The following TMEM276 variants were observed in gnomAD, a reference collection of about 807,000 sequenced individuals.
The protein encoded by TMEM276 is transmembrane protein 276.
chr8:144,467,003 C>T, the TMEM276 span: 7 of 1,594,742 alleles, frequency 4.4e-6, no homozygotes, highest in Admixed American at 1.7e-5. Context: ...AGCCGAGGGC[C>T]GCGCGGCCGC....
chr8:144,466,978 T>C, the TMEM276 span: 9 of 1,596,200 alleles, frequency 5.6e-6, no homozygotes, highest in African/African-American at 1.3e-5. Context: ...AGCCTGAGGA[T>C]GGGTCGGAAG....
At chr8:144,466,469 G>A in the TMEM276 span, 6 of 1,352,560 alleles carry the variant, frequency 4.4e-6, no homozygotes, top group South Asian at 5.2e-5. Context: ...AGCCTCTTCC[G>A]CAGGGATGGT....
At chr8:144,464,284 C>CG in the TMEM276 span, 21 of 1,613,176 alleles carry the variant, frequency 1.3e-5, no homozygotes, top group Non-Finnish European at 1.5e-5. Context: ...CGCCCCCCCC[C>CG]ACATCCCATA....
At chr8:144,464,140 A>G in the TMEM276 span, 1 of 1,609,846 alleles carries the variant, frequency 6.2e-7, no homozygotes, top group East Asian at 2.2e-5. Flanking sequence ...CTCCCACTGG[A>G]GGCGCTGTGT....
the TMEM276 span, chr8:144,466,989 G>T: frequency 6.3e-7 from 1 of 1,596,936 alleles, no homozygotes; most frequent in African/African-American, 1.3e-5. Context: ...GGGTCGGAAG[G>T]CGCAGCCGAG....
At chr8:144,466,623 C>A in the TMEM276 span, 55 of 866,246 alleles carry the variant, frequency 6.3e-5, no homozygotes, top group Non-Finnish European at 8.4e-5. Flanking sequence ...GCGACGGGGC[C>A]GTGCCGAGGA....
chr8:144,466,363 C>T, the TMEM276 span: 1 of 721,302 alleles, frequency 1.4e-6, no homozygotes, highest in Non-Finnish European at 1.8e-6. Flanking sequence ...GGCGCCGAGT[C>T]TGGGCGCGGG....
At chr8:144,465,484 C>T in the TMEM276 span, 1 of 977,422 alleles carries the variant, frequency 1.0e-6, no homozygotes, top group Non-Finnish European at 1.2e-6. Context: ...GAACCTCCAC[C>T]AGCGAGAGGA....
chr8:144,463,887 C>G, the TMEM276 span: 4 of 1,398,184 alleles, frequency 2.9e-6, no homozygotes, highest in Non-Finnish European at 3.7e-6. Flanking sequence ...ACAACCGTGT[C>G]CAGCCCAGAA....
At chr8:144,466,284 C>T in the TMEM276 span, 26 of 225,116 alleles carry the variant, frequency 1.2e-4, no homozygotes, top group Admixed American at 5.2e-4. Context: ...CCGCGCTCGC[C>T]TTCCAGCCGT....
the TMEM276 span, chr8:144,464,214 C>T: frequency 1.2e-5 from 20 of 1,612,986 alleles, no homozygotes; most frequent in Middle Eastern, 6.6e-4. Flanking sequence ...CATCCTCCTT[C>T]GGTAGCAGCA....
the TMEM276 span, chr8:144,464,648 A>G: frequency 6.3e-7 from 1 of 1,581,968 alleles, no homozygotes; most frequent in Non-Finnish European, 8.6e-7. Context: ...CGTGGGAAAA[A>G]GAGGCCGGGG....
chr8:144,466,818 C>G, the TMEM276 span: 1 of 1,537,202 alleles, frequency 6.5e-7, no homozygotes, highest in Non-Finnish European at 8.7e-7. Flanking sequence ...GAGCTGTGGA[C>G]CGAGCTGACC....
chr8:144,464,726 AACC>A, the TMEM276 span: 1 of 1,481,306 alleles, frequency 6.8e-7, no homozygotes, highest in Non-Finnish European at 9.2e-7. Context: ...ACTTCCCACC[AACC>A]TCTCTCTAAT....
the TMEM276 span, chr8:144,466,938 G>A: frequency 1.3e-6 from 2 of 1,583,600 alleles, no homozygotes; most frequent in Non-Finnish European, 1.7e-6. Flanking sequence ...AATGTCTCCC[G>A]CCCTCCTCCC....
chr8:144,466,479 T>C, the TMEM276 span: 3 of 1,335,168 alleles, frequency 2.2e-6, no homozygotes, highest in South Asian at 3.7e-5. Flanking sequence ...GCAGGGATGG[T>C]GGCGCCGCGG....
At chr8:144,464,849 A>G in the TMEM276 span, 1 of 1,612,900 alleles carries the variant, frequency 6.2e-7, no homozygotes, top group Admixed American at 1.7e-5. Flanking sequence ...CACCACTCCC[A>G]GCACCAGATG....
At chr8:144,466,296 G>A in the TMEM276 span, 1 of 237,534 alleles carries the variant, frequency 4.2e-6, no homozygotes, top group Non-Finnish European at 7.7e-6. Flanking sequence ...TCCAGCCGTG[G>A]GAGCCGGGCC....
chr8:144,464,539 C>T, the TMEM276 span: 3 of 1,612,126 alleles, frequency 1.9e-6, no homozygotes, highest in Admixed American at 1.7e-5. Context: ...TTCGTGTGTG[C>T]TCAGCCCTGG....
Sources: gnomAD v4.1 joint callset for allele counts on GRCh38, gnomAD v4.1.1 for gene constraint, MANE v1.5 for transcripts, NCBI Gene and HGNC (gene_info 2026-07-23, HGNC 2026-07-21) for gene names.